Variants in TRMT2B observed in about 807,000 individuals in gnomAD.
The protein encoded by TRMT2B is tRNA (uracil-5-)-methyltransferase homolog B.
A neutral mutation model predicts 39.7 loss-of-function variants in TRMT2B; 34 were observed. That is an observed-to-expected ratio of 0.86 (90% CI 0.65 to 1.14). The LOEUF (loss-of-function observed/expected upper bound fraction) is 1.14, where lower values mean the gene tolerates loss of function less well. Ranked by LOEUF, TRMT2B falls within the 50% of genes most tolerant of loss-of-function variation. TRMT2B has a pLI of 0.00. For synonymous variants in TRMT2B, 132 were observed against 137.3 expected (o/e 0.96, Z 0.27); for missense variants, 318 against 377.2 (o/e 0.84, Z 1.30).
the TRMT2B span, chrX:100,974,027 C>T: frequency 2.9e-6 from 2 of 697,222 alleles, no homozygotes; most frequent in East Asian, 3.5e-5. Flanking sequence ...GAGATTACTG[C>T]AGGCAGAGTC....
Position 101,047,320 on chromosome X carries a change from C to T in TRMT2B, c.-24+3931G>A, listed in dbSNP as rs184124429. 2.6e-3 allele frequency among the ~76,000 whole-genome samples: 289 copies of T among 111,328 alleles called. 7 individuals are homozygous for T. Among genetic ancestry groups the T allele is most frequent in the Admixed American group, 0.023 (243 of 10,358 alleles). On this transcript the variant is annotated intron_variant, in intron 2 of 13. Transcript: ENST00000372936. ...TTCAGTAAGCATTACTAGTAACTGT[C>T]ATGACGTGTTTAAAGACAGTATTTA...
At chrX:100,988,279 T>A in the TRMT2B span, 22 of 1,207,911 alleles carry the variant, frequency 1.8e-5, no homozygotes, top group Non-Finnish European at 2.1e-5. Flanking sequence ...AAGTCAATCC[T>A]ACAGGTAAAT....
chrX:101,051,662 G>C lies in TRMT2B; in HGVS notation c.-435C>G, dbSNP rs2089107029. On this transcript the variant is annotated 5_prime_UTR_variant, in exon 2 of 14. Transcript: ENST00000372936. ...ACACGACCTTGCGCAGTCACCGTCG[G>C]GTCCCGTCTCCAGCCCCGCCTGCCT... The C allele has an allele frequency of 1.3e-6, 1 of 753,842 alleles. No homozygotes were observed. The highest frequency in any genetic ancestry group is 1.6e-6 in the Non-Finnish European group (1 of 639,459). 62.1% of individuals were successfully genotyped at this position (753,842 alleles called of 1,213,427 possible).
At chrX:100,999,004 G>A in the TRMT2B span, among the ~76,000 whole-genome samples, 9 of 112,232 alleles carry the variant, frequency 8.0e-5, no homozygotes, top group Non-Finnish European at 3.8e-5. Flanking sequence ...GCTTGGTTAC[G>A]TATAAAGGTA....
chrX:101,002,251 C>T, the TRMT2B span, among the ~76,000 whole-genome samples: 7 of 111,580 alleles, frequency 6.3e-5, no homozygotes, highest in Non-Finnish European at 9.4e-5. Flanking sequence ...AACTCCCTAT[C>T]GCATTCAGGT....
chrX:100,978,932 GC>G, the TRMT2B span, among the ~76,000 whole-genome samples: 1 of 110,204 alleles, frequency 9.1e-6, no homozygotes, highest in African/African-American at 3.3e-5. Context: ...TTCACCCACT[GC>G]CCCCTGGAAA....
At chrX:101,030,468 T>TTTTTTTTTTTTTTTTC (rs2087383072) in intron 7 of TRMT2B, among the ~76,000 whole-genome samples, 1 of 100,098 alleles carries the variant, frequency 1.0e-5, no homozygotes, top group Admixed American at 1.1e-4. Context: ...TTTTTTTTTT[T>TTTTTTTTTTTTTTTTC]CAGATGGAGT....
chrX:100,981,282 G>A, the TRMT2B span, among the ~76,000 whole-genome samples: 1 of 112,091 alleles, frequency 8.9e-6, no homozygotes, highest in Non-Finnish European at 1.9e-5. Flanking sequence ...GGCTAGGGCT[G>A]GTCTAAATGC....
intron 7 of TRMT2B, among the ~76,000 whole-genome samples, chrX:101,028,222 G>A (rs1422187569): frequency 9.6e-6 from 1 of 104,616 alleles, no homozygotes; most frequent in Non-Finnish European, 1.9e-5. Context: ...GGATTCAAGC[G>A]ATTCCCCTGC....
Position 101,051,516 on chromosome X carries a change from G to C in TRMT2B, c.-289C>G, listed in dbSNP as rs1181763626. ...GTTCTGCCCACTGTGTCTGTAGGAA[G>C]GGTTAACAAAGAGGAGACACTAGGA... On this transcript the variant is annotated 5_prime_UTR_variant, in exon 2 of 14. Coordinates refer to ENST00000372936, the MANE Select transcript of TRMT2B (RefSeq NM_024917.6). The C allele has an allele frequency of 4.0e-6, 3 of 752,847 alleles. No homozygotes were observed. The African/African-American group carries it at 6.9e-5, about 17-fold the overall frequency. The allele number at this position is 752,847 out of a possible 1,213,427, so 62.0% of individuals were successfully genotyped here. A position where few individuals can be genotyped will look rare whatever the true frequency, so the allele number is the denominator to read the frequency against.
Position 101,041,298 on chromosome X carries a change from A to G in TRMT2B, c.303+19T>C, listed in dbSNP as rs770702192. 5.8e-6 allele frequency: 7 copies of G among 1,204,017 alleles called. No homozygotes were observed. In the Admixed American group the frequency reaches 1.5e-4, roughly 26 times the overall value. ...ATTCTCCTGGAAAGGAGGGGTAAAG[A>G]CTTAGGCTGGGCACCTACCTTGAGC... On this transcript the variant is annotated intron_variant, in intron 4 of 13. Transcript: ENST00000372936.
At chrX:100,982,707 G>A in the TRMT2B span, among the ~76,000 whole-genome samples, 335 of 104,327 alleles carry the variant, frequency 3.2e-3, 1 homozygote, top group Middle Eastern at 9.5e-3. Context: ...GGGTGCAGTG[G>A]TACAGTGGTG....
At chrX:100,993,727 C>A in the TRMT2B span, among the ~76,000 whole-genome samples, 1 of 111,709 alleles carries the variant, frequency 9.0e-6, no homozygotes, top group Non-Finnish European at 1.9e-5. Flanking sequence ...TATTTAGATA[C>A]CCTCCTCCCA....
At chrX:100,974,150 G>A in the TRMT2B span, 1 of 1,190,399 alleles carries the variant, frequency 8.4e-7, no homozygotes, top group African/African-American at 1.8e-5. Context: ...CCTATCATTG[G>A]CTTGAACAAC....
chrX:101,003,192 A>G, the TRMT2B span, among the ~76,000 whole-genome samples: 1 of 109,523 alleles, frequency 9.1e-6, no homozygotes, highest in Non-Finnish European at 1.9e-5. Flanking sequence ...CTGGGATTAC[A>G]GGTGTGAGCC....
chrX:100,980,169 G>A, the TRMT2B span, among the ~76,000 whole-genome samples: 1 of 111,689 alleles, frequency 9.0e-6, no homozygotes, highest in Non-Finnish European at 1.9e-5. Flanking sequence ...GCCAGGACAG[G>A]GTATTTCCCT....
downstream of TRMT2B, among the ~76,000 whole-genome samples, chrX:101,004,496 CGTTTTT>C (rs1262839518): frequency 3.9e-5 from 4 of 103,234 alleles, no homozygotes; most frequent in East Asian, 8.6e-4. Flanking sequence ...TGTTTTGTTT[CGTTTTT>C]GTTTTTGTTT....
Position 101,021,281 on chromosome X carries a change from A to AG in TRMT2B, c.885dup (p.Tyr296LeufsTer12). On this transcript the variant is annotated frameshift_variant, in exon 10 of 14. Transcript: ENST00000372936. LOFTEE classifies it high-confidence loss of function. ...TAGGGTTCCCCAAACAGAAGCTGATAGGGAGACTGCTGATGGCTGCAACGG... is the reference window on the plus strand; with the variant it reads ...TAGGGTTCCCCAAACAGAAGCTGATAGGGGAGACTGCTGATGGCTGCAACGG... The AG allele has an allele frequency of 1.7e-6, 2 of 1,211,469 alleles. No individual in the cohort carries two copies. The highest frequency in any genetic ancestry group is 2.2e-6 in the Non-Finnish European group (2 of 895,155).
intron 7 of TRMT2B, among the ~76,000 whole-genome samples, chrX:101,031,769 C>A (rs895397302): frequency 1.0e-4 from 11 of 106,708 alleles, no homozygotes; most frequent in Non-Finnish European, 2.1e-4. Context: ...TAAAAAAGAA[C>A]AGAATGCTAC....
Sources: gnomAD v4.1 joint callset for allele counts (sites outside exome capture counted in the v4.1 genomes callset) on GRCh38, gnomAD v4.1.1 for gene constraint, MANE v1.5 for transcripts, NCBI Gene and HGNC (gene_info 2026-07-23, HGNC 2026-07-21) for gene names.